TMEM161B: variants seen among roughly 807,000 people sequenced by gnomAD.
The protein encoded by TMEM161B is transmembrane protein 161B.
In TMEM161B, 34 loss-of-function variants were observed where a neutral mutation model predicts 61.8. The ratio of observed to expected loss-of-function variants is 0.55; its 90% CI spans 0.42 to 0.73. TMEM161B has a LOEUF of 0.73. Among genes scored for constraint, TMEM161B ranks in the 30% least tolerant of loss-of-function variants. The pLI, the probability that TMEM161B is intolerant of heterozygous loss-of-function variation, is 0.00. For synonymous variants in TMEM161B, 167 were observed against 192.8 expected, an observed-to-expected ratio of 0.87 and a Z score of 1.11; for missense variants, 456 against 558.5, an observed-to-expected ratio of 0.82 and a Z score of 1.85.
chr5:88,211,104 A>G (rs111802088), intron 5 of TMEM161B, among the ~76,000 whole-genome samples: 14 of 152,196 alleles, frequency 9.2e-5, no homozygotes, highest in African/African-American at 3.1e-4. Context: ...CTATTATTAG[A>G]TGTATCTAAT....
At chr5:88,201,085 C>A (rs1176581213) in intron 9 of TMEM161B, 3 of 151,804 alleles carry the variant, frequency 2.0e-5, no homozygotes, top group East Asian at 1.9e-4. Context: ...AATAACTTAA[C>A]CACGAATTCA....
intron 1 of TMEM161B, among the ~76,000 whole-genome samples, chr5:88,256,595 A>G (rs895688424): frequency 6.6e-6 from 1 of 152,206 alleles, no homozygotes; most frequent in Non-Finnish European, 1.5e-5. Context: ...CTTCTACTAA[A>G]GAACATATGC....
At chr5:88,193,527 A>G (rs1749181947), downstream of TMEM161B, among the ~76,000 whole-genome samples, 1 of 152,162 alleles carries the variant, frequency 6.6e-6, no homozygotes. Context: ...TGAAAGGCTA[A>G]AAAAACTAAA....
chr5:88,205,368 C>A (rs185509175), intron 8 of TMEM161B, among the ~76,000 whole-genome samples: 1 of 152,044 alleles, frequency 6.6e-6, no homozygotes, highest in Admixed American at 6.5e-5. Flanking sequence ...AAAACAAACA[C>A]CTCTTACATA....
At chr5:88,242,147 CT>C (rs1263557313) in intron 1 of TMEM161B, among the ~76,000 whole-genome samples, 1 of 151,528 alleles carries the variant, frequency 6.6e-6, no homozygotes, top group Non-Finnish European at 1.5e-5. Flanking sequence ...GTTCGACAGC[CT>C]TCTCTCAACC....
Position 88,202,297 on chromosome 5 carries a change from G to A in TMEM161B, c.914+665C>T, listed in dbSNP as rs144298985. The A allele has an allele frequency of 1.4e-4, 37 of 272,094 alleles. No homozygotes were observed. In the East Asian group the frequency reaches 3.0e-3, roughly 22 times the overall value. 16.9% of individuals were successfully genotyped at this position (272,094 alleles called of 1,614,324 possible). A position where few individuals can be genotyped will look rare whatever the true frequency, so the allele number is the denominator to read the frequency against. On this transcript the variant is annotated intron_variant, in intron 9 of 11. Transcript: ENST00000296595. ...ATTAATGCCTATTAATAAACTGTTT[G>A]TTTCCTCACCATCTTCTTCTGCTAA...
At chr5:88,187,673 A>G (rs1748435340), downstream of TMEM161B, among the ~76,000 whole-genome samples, 1 of 152,180 alleles carries the variant, frequency 6.6e-6, no homozygotes, top group Middle Eastern at 4.1e-3. Flanking sequence ...CTGTTTTTTA[A>G]TTAGCATTGA....
chr5:88,259,309 G>C (rs1227265773), intron 1 of TMEM161B: 2 of 152,186 alleles, frequency 1.3e-5, no homozygotes, highest in African/African-American at 4.8e-5. Flanking sequence ...TATGTCTGCT[G>C]AATGTATGGA....
intron 5 of TMEM161B, among the ~76,000 whole-genome samples, chr5:88,210,505 G>C (rs1393082539): frequency 1.3e-5 from 2 of 152,148 alleles, no homozygotes; most frequent in Non-Finnish European, 2.9e-5. Context: ...TATGCAGCCA[G>C]GCCACTCTGA....
Position 88,232,198 on chromosome 5 carries a change from C to T in TMEM161B, c.108-3670G>A, listed in dbSNP as rs115700951. ...GGAGATTTGTTTACAGTATGACAGCCGAAACAATAAGGCAGACTGTTGCCT... is the reference window on the plus strand; with the variant it reads ...GGAGATTTGTTTACAGTATGACAGCTGAAACAATAAGGCAGACTGTTGCCT... On this transcript the variant is annotated intron_variant, in intron 2 of 11. Coordinates refer to ENST00000296595, the MANE Select transcript of TMEM161B (RefSeq NM_153354.5). Among the ~76,000 whole-genome samples the T allele has an allele frequency of 4.6e-3, 703 of 152,190 alleles. 11 individuals are homozygous for T. The highest frequency in any genetic ancestry group is 0.016 in the African/African-American group (667 of 41,524).
rs761576709 is a variant in TMEM161B at position 88,197,781 on chromosome 5, T to C, written c.1090-16A>G. Reference sequence around the variant, plus strand: ...CTCGAGCCACCTGCAACCAACAACATTCTTAAGTGTCTAATGCAACTGACA... The same window carrying C: ...CTCGAGCCACCTGCAACCAACAACACTCTTAAGTGTCTAATGCAACTGACA... On this transcript the variant is annotated splice_polypyrimidine_tract_variant and intron_variant, in intron 10 of 11. Coordinates refer to ENST00000296595, the MANE Select transcript of TMEM161B (RefSeq NM_153354.5). 4 of 1,604,986 alleles carry C rather than the reference T, an allele frequency of 2.5e-6. No individual in the cohort carries two copies. Among genetic ancestry groups the C allele is most frequent in the East Asian group, 2.2e-5 (1 of 44,728 alleles).
At chr5:88,267,971 G>T (rs1319899399) in intron 1 of TMEM161B, among the ~76,000 whole-genome samples, 1 of 151,984 alleles carries the variant, frequency 6.6e-6, no homozygotes, top group East Asian at 1.9e-4. Flanking sequence ...AGAATACATG[G>T]GCTCAGGGTA....
chr5:88,219,740 A>G (rs1300575729), intron 5 of TMEM161B, among the ~76,000 whole-genome samples: 1 of 152,168 alleles, frequency 6.6e-6, no homozygotes, highest in Non-Finnish European at 1.5e-5. Flanking sequence ...TCTATCAAGT[A>G]TGAGGGAAAA....
intron 4 of TMEM161B, 56 bp from the exon 5 acceptor site, chr5:88,220,775 A>G: frequency 6.8e-7 from 1 of 1,480,668 alleles, no homozygotes; most frequent in Non-Finnish European, 9.0e-7. Context: ...AGTTTCACTT[A>G]CATTTTCATA....
intron 1 of TMEM161B, among the ~76,000 whole-genome samples, chr5:88,254,764 C>T (rs768039527): frequency 1.3e-5 from 2 of 151,806 alleles, no homozygotes; most frequent in African/African-American, 2.4e-5. Flanking sequence ...ATCACTTTAG[C>T]CCAGTAGGTT....
At chr5:88,206,589 A>G (rs1382781131) in intron 6 of TMEM161B, 90 bp from the exon 7 acceptor site, 2 of 1,266,678 alleles carry the variant, frequency 1.6e-6, no homozygotes, top group Non-Finnish European at 2.2e-6. Context: ...GTTAGAAAAC[A>G]GAGCATCTTA....
At chr5:88,228,889 C>T (rs1750510687) in intron 2 of TMEM161B, among the ~76,000 whole-genome samples, 1 of 152,168 alleles carries the variant, frequency 6.6e-6, no homozygotes, top group Non-Finnish European at 1.5e-5. Flanking sequence ...ACTAATCCCT[C>T]ATTTGAAGGA....
intron 2 of TMEM161B, among the ~76,000 whole-genome samples, chr5:88,240,198 C>T (rs1446901947): frequency 6.6e-6 from 1 of 151,790 alleles, no homozygotes; most frequent in Non-Finnish European, 1.5e-5. Flanking sequence ...CACAACATAA[C>T]TTTATCCCCC....
chr5:88,189,351 G>A (rs113637209), downstream of TMEM161B, among the ~76,000 whole-genome samples: 3,524 of 152,196 alleles, frequency 0.023, 136 homozygotes, highest in African/African-American at 0.081. Context: ...GTCAGCTTCC[G>A]GGTGTGACTG....
Sources: allele counts gnomAD v4.1 joint callset (sites outside exome capture counted in the v4.1 genomes callset), GRCh38; gene constraint gnomAD v4.1.1; transcripts MANE v1.5; gene names NCBI Gene and HGNC (gene_info 2026-07-23, HGNC 2026-07-21).